COL4A3: variants seen among roughly 807,000 people sequenced by gnomAD.
COL4A3 encodes collagen alpha-3(IV) chain.
A neutral mutation model predicts 217.4 loss-of-function variants in COL4A3; 135 were observed. The observed-to-expected ratio is 0.62, with a 90% CI of 0.54 to 0.72. The LOEUF is 0.72. COL4A3 is among the 30% of genes least tolerant of loss of function. COL4A3 has a pLI of 0.00. For synonymous variants in COL4A3, 690 were observed against 736.3 expected (o/e 0.94, Z 1.02); for missense variants, 1,868 against 2,119.9 (o/e 0.88, Z 2.33).
Position 227,310,792 on chromosome 2 carries a change from C to T in COL4A3, c.4772C>T (p.Ser1591Phe), listed in dbSNP as rs558813497. The T allele has an allele frequency of 3.0e-5, 48 of 1,614,020 alleles. No individual in the cohort carries two copies. Among genetic ancestry groups the T allele is most frequent in the Non-Finnish European group, 4.0e-5 (47 of 1,180,012 alleles). The change falls in exon 51 of 52, where the codon TCT becomes TTT. Residue 1591 changes from serine (S) to phenylalanine (F), a missense_variant. By Grantham distance (155) the Ser-to-Phe change is radical. Around this residue, in one of 2 missense-constraint regions of COL4A3, gnomAD observed 1,503 missense variants for 1,786.1 expected, o/e 0.84. Coordinates refer to ENST00000396578, the MANE Select transcript of COL4A3 (RefSeq NM_000091.5). ...FSFIMFTSAG[S>F]EGTGQALASP... ...TTGTGGTAGTTCACAAGTGCAGGTT[C>T]TGAGGGCACCGGGCAAGCACTGGCC...
At chr2:227,256,138 T>A (rs550852163) in intron 16 of COL4A3, 68 bp downstream of exon 16, 17 of 1,456,626 alleles carry the variant, frequency 1.2e-5, no homozygotes, top group South Asian at 2.3e-5. Context: ...AAGGATTTTT[T>A]AAAATCACTA....
intron 3 of COL4A3, among the ~76,000 whole-genome samples, chr2:227,242,512 G>A (rs2069087059): frequency 6.6e-6 from 1 of 152,176 alleles, no homozygotes; most frequent in Non-Finnish European, 1.5e-5. Flanking sequence ...TTTCCTCACT[G>A]AAGGGTGCAG....
chr2:227,211,600 AT>A (rs1431298747), intron 1 of COL4A3, among the ~76,000 whole-genome samples: 1 of 152,162 alleles, frequency 6.6e-6, no homozygotes. Context: ...GGACATAGGC[AT>A]TCTGGTTTCT....
At chr2:227,295,875 T>C (rs1299040132) in intron 41 of COL4A3, among the ~76,000 whole-genome samples, 1 of 152,228 alleles carries the variant, frequency 6.6e-6, no homozygotes. Flanking sequence ...AGATCTGGAT[T>C]TCTCATGTCA....
intron 35 of COL4A3, among the ~76,000 whole-genome samples, chr2:227,289,700 T>G (rs937373520): frequency 6.6e-6 from 1 of 152,200 alleles, no homozygotes; most frequent in African/African-American, 2.4e-5. Context: ...CAGGATGCAG[T>G]TGGAAATGTA....
At chr2:227,172,700 C>T (rs2065533801) in intron 1 of COL4A3, among the ~76,000 whole-genome samples, 1 of 151,118 alleles carries the variant, frequency 6.6e-6, no homozygotes, top group Non-Finnish European at 1.5e-5. Context: ...AATTCTCCTG[C>T]CTCACCCTTT....
Position 227,253,293 on chromosome 2 carries a change from C to T in COL4A3, c.646-3C>T. ...AATAATTTGGTTTTGTGTTTTCTTA[C>T]AGGGTCACATGGGTGAAAGAGTGAT... On this transcript the variant is annotated splice_region_variant and splice_polypyrimidine_tract_variant and intron_variant, in intron 11 of 51. Transcript: ENST00000396578. The surrounding 1 kb of genome is among the most constrained non-coding windows in gnomAD (Gnocchi z 4.4). 1 of 1,613,272 alleles carries T rather than the reference C, an allele frequency of 6.2e-7. No individual in the cohort carries two copies. Among genetic ancestry groups the T allele is most frequent in the Non-Finnish European group, 8.5e-7 (1 of 1,179,310 alleles).
chr2:227,198,910 T>C (rs2066582239), intron 1 of COL4A3, among the ~76,000 whole-genome samples: 2 of 152,114 alleles, frequency 1.3e-5, no homozygotes, highest in Admixed American at 1.3e-4. Context: ...GATTTGTACT[T>C]AAGAAGATCC....
chr2:227,290,671 T>C (rs1319555247), intron 36 of COL4A3, 76 bp from the exon 37 acceptor site: 3 of 1,453,326 alleles, frequency 2.1e-6, no homozygotes, highest in African/African-American at 2.8e-5. Context: ...AGAAAGCTTA[T>C]GTAAAACTGA....
At chr2:227,183,341 G>A (rs6742833) in intron 1 of COL4A3, among the ~76,000 whole-genome samples, 20,577 of 152,132 alleles carry the variant, frequency 0.14, 1,497 homozygotes, top group Admixed American at 0.17. Flanking sequence ...ATAAAACTAA[G>A]GGATGATTAA....
chr2:227,288,907 C>CA (rs1161558458), intron 34 of COL4A3, among the ~76,000 whole-genome samples: 1 of 150,102 alleles, frequency 6.7e-6, no homozygotes, highest in Admixed American at 6.6e-5. Flanking sequence ...ATGGGTCTGA[C>CA]AAAATTTTAA....
At chr2:227,199,035 C>A (rs1204909335) in intron 1 of COL4A3, among the ~76,000 whole-genome samples, 1 of 152,060 alleles carries the variant, frequency 6.6e-6, no homozygotes, top group African/African-American at 2.4e-5. Context: ...GGACGTGGGA[C>A]TTATTTTCCA....
intron 43 of COL4A3, among the ~76,000 whole-genome samples, 200 bp from the exon 44 acceptor site, chr2:227,302,838 T>C (rs2073352551): frequency 6.6e-6 from 1 of 152,258 alleles, no homozygotes; most frequent in African/African-American, 2.4e-5. Context: ...GTTTTACTTT[T>C]AAAACGATAG....
intron 1 of COL4A3, among the ~76,000 whole-genome samples, chr2:227,192,900 A>AT (rs1209411089): frequency 6.6e-6 from 1 of 152,240 alleles, no homozygotes; most frequent in East Asian, 1.9e-4. Flanking sequence ...AAATATAAGA[A>AT]TAAAAAATTA....
chr2:227,246,174 T>C, intron 6 of COL4A3, 158 bp downstream of exon 6: 2 of 690,674 alleles, frequency 2.9e-6, no homozygotes, highest in East Asian at 5.5e-5. Flanking sequence ...CCCATTTTCT[T>C]TCTTCGCATT....
At chr2:227,290,439 G>A (rs1219230984) in intron 36 of COL4A3, among the ~76,000 whole-genome samples, 1 of 152,174 alleles carries the variant, frequency 6.6e-6, no homozygotes, top group African/African-American at 2.4e-5. Flanking sequence ...GGTGGAGGTT[G>A]CAGTGAGCTG....
intron 1 of COL4A3, among the ~76,000 whole-genome samples, chr2:227,200,824 A>G (rs1171371627): frequency 1.3e-5 from 2 of 152,222 alleles, no homozygotes; most frequent in African/African-American, 4.8e-5. Context: ...TGCATGTACA[A>G]TTACAATTGA....
chr2:227,244,681 G>C (rs186815655), intron 4 of COL4A3: 86 of 634,130 alleles, frequency 1.4e-4, no homozygotes, highest in African/African-American at 1.3e-3. Context: ...CAAAAGATTG[G>C]AGCACTTCAT....
intron 1 of COL4A3, among the ~76,000 whole-genome samples, chr2:227,208,299 G>C (rs13004766): frequency 0.73 from 110,359 of 152,084 alleles, 40,619 homozygotes; most frequent in East Asian, 0.81. Context: ...AGAAATTACA[G>C]TTTCAGGGTC....
Sources: allele counts gnomAD v4.1 joint callset (sites outside exome capture counted in the v4.1 genomes callset), GRCh38; gene constraint gnomAD v4.1.1; regional missense constraint gnomAD v4.1.1; non-coding constraint Gnocchi (gnomAD v3.1); transcripts MANE v1.5; gene names NCBI Gene and HGNC (gene_info 2026-07-23, HGNC 2026-07-21).